Variants in CCSER1 observed in about 807,000 individuals in gnomAD.
CCSER1 encodes coiled-coil serine rich protein 1.
CCSER1 carries 41 observed loss-of-function variants against 82.0 expected under a neutral mutation model. The observed-to-expected ratio is 0.50, with a 90% CI of 0.39 to 0.65. The LOEUF (loss-of-function observed/expected upper bound fraction) is 0.65. Ranked by LOEUF, CCSER1 falls within the 30% of genes least tolerant of loss-of-function variation. The probability of loss-of-function intolerance (pLI) is 0.00; values close to 1 mark genes in which losing one functional copy is unlikely to be tolerated. For missense variants in CCSER1, 1,119 were observed against 1,064.2 expected (o/e 1.05, Z -0.72); for synonymous variants, 414 against 383.9 (o/e 1.08, Z -0.92).
chr4:90,611,001 C>T (rs1054028993), intron 5 of CCSER1, among the ~76,000 whole-genome samples: 3 of 151,168 alleles, frequency 2.0e-5, no homozygotes, highest in Admixed American at 6.6e-5. Flanking sequence ...CCTCAGCCTC[C>T]TGAGTAGCTG....
chr4:90,649,493 A>C (rs1728320998), intron 6 of CCSER1: 1 of 152,086 alleles, frequency 6.6e-6, no homozygotes, highest in African/African-American at 2.4e-5. Flanking sequence ...AGAGGAAGAG[A>C]CACCAAAGTT....
intron 3 of CCSER1, among the ~76,000 whole-genome samples, chr4:90,387,568 G>A (rs1381512473): frequency 6.6e-6 from 1 of 152,178 alleles, no homozygotes; most frequent in Non-Finnish European, 1.5e-5. Flanking sequence ...ATGTGATTTA[G>A]GATGGTGGCT....
intron 10 of CCSER1, among the ~76,000 whole-genome samples, chr4:91,315,152 TGTGTGTG>T (rs1235903775): frequency 3.9e-3 from 1 of 254 alleles, no homozygotes; most frequent in East Asian, 0.25. Context: ...TGTGTGCAAG[TGTGTGTG>T]TGTGTGTGTG....
intron 7 of CCSER1, among the ~76,000 whole-genome samples, chr4:90,773,221 C>G (rs995854546): frequency 9.9e-5 from 15 of 152,184 alleles, no homozygotes; most frequent in African/African-American, 3.4e-4. Context: ...GCCTGGGAAA[C>G]AAGAGCGAAA....
At chr4:90,682,979 A>C (rs190722037) in intron 6 of CCSER1, 12 of 152,276 alleles carry the variant, frequency 7.9e-5, no homozygotes, top group Admixed American at 3.3e-4. Context: ...ATGGGTGAAA[A>C]ACATGATTGA....
chr4:91,426,738 A>G (rs189837088), intron 10 of CCSER1, among the ~76,000 whole-genome samples: 4 of 152,268 alleles, frequency 2.6e-5, no homozygotes, highest in Admixed American at 2.0e-4. Context: ...GCATATTTGT[A>G]TGTAAATTTT....
intron 5 of CCSER1, among the ~76,000 whole-genome samples, chr4:90,536,853 C>A (rs1775444108): frequency 6.6e-6 from 1 of 152,116 alleles, no homozygotes; most frequent in African/African-American, 2.4e-5. Context: ...GAGGTATATT[C>A]TTTTAGGAAG....
At chr4:91,202,122 C>G (rs1000341231) in intron 10 of CCSER1, among the ~76,000 whole-genome samples, 1 of 149,866 alleles carries the variant, frequency 6.7e-6, no homozygotes, top group Non-Finnish European at 1.5e-5. Flanking sequence ...TAGGTGCCTA[C>G]TTACATTAAT....
intron 10 of CCSER1, among the ~76,000 whole-genome samples, chr4:91,332,265 A>G (rs993076915): frequency 1.3e-5 from 2 of 151,950 alleles, no homozygotes; most frequent in Non-Finnish European, 2.9e-5. Flanking sequence ...TAATCAAAAT[A>G]TAATTTTCTT....
chr4:91,150,275 CTGTT>C (rs746426125), intron 10 of CCSER1, among the ~76,000 whole-genome samples: 5 of 152,288 alleles, frequency 3.3e-5, no homozygotes, highest in South Asian at 4.2e-4. Context: ...ATTTGGCTCT[CTGTT>C]TGTCTGTTGT....
intron 1 of CCSER1, among the ~76,000 whole-genome samples, chr4:90,185,667 T>G (rs189171253): frequency 5.9e-5 from 9 of 152,156 alleles, no homozygotes; most frequent in Non-Finnish European, 1.5e-5. Context: ...ATGTCCCCAG[T>G]CCTCAAGCAA....
intron 7 of CCSER1, among the ~76,000 whole-genome samples, chr4:90,732,304 G>C (rs562604927): frequency 1.3e-5 from 2 of 152,098 alleles, no homozygotes; most frequent in South Asian, 4.2e-4. Flanking sequence ...AGAGTGTGTC[G>C]ACAGTCCCTA....
intron 5 of CCSER1, among the ~76,000 whole-genome samples, chr4:90,498,976 C>G (rs1385995357): frequency 6.6e-6 from 1 of 152,052 alleles, no homozygotes; most frequent in Non-Finnish European, 1.5e-5. Context: ...TTTAAAAAAT[C>G]TCTCTGCAAT....
chr4:90,913,921 A>T (rs1276000534), intron 8 of CCSER1, among the ~76,000 whole-genome samples: 1 of 152,234 alleles, frequency 6.6e-6, no homozygotes, highest in Non-Finnish European at 1.5e-5. Flanking sequence ...TGGTAAAGGG[A>T]TCAATTCAAC....
intron 10 of CCSER1, among the ~76,000 whole-genome samples, chr4:91,114,598 T>A (rs1726387605): frequency 6.6e-6 from 1 of 152,194 alleles, no homozygotes; most frequent in Admixed American, 6.5e-5. Flanking sequence ...CCTGAATGCG[T>A]GCATTTGAAT....
At chr4:90,811,929 A>T (rs1758363919) in intron 7 of CCSER1, among the ~76,000 whole-genome samples, 1 of 149,340 alleles carries the variant, frequency 6.7e-6, no homozygotes. Context: ...ACACACACAC[A>T]CACACATATA....
rs562607175 is a variant in CCSER1, at chr4:91,011,250, G to A, written c.2173-74700G>A. Among the ~76,000 whole-genome samples, 16 of 134,308 alleles carry A rather than the reference G, an allele frequency of 1.2e-4. 1 individual carries two copies. Among genetic ancestry groups the A allele is most frequent in the African/African-American group, 3.7e-4 (15 of 40,400 alleles). The allele number at this position is 134,308 out of a possible 152,430, so 88.1% of individuals were successfully genotyped here. ...GTAGCAGTTTGTGGTGGCAGTGGTA[G>A]CATAGGTTATTAAGTTCCTTCGTGG... On this transcript the variant is annotated intron_variant, in intron 9 of 10. Transcript: ENST00000509176.
chr4:90,295,378 T>A (rs949847512), intron 1 of CCSER1, among the ~76,000 whole-genome samples: 1 of 152,072 alleles, frequency 6.6e-6, no homozygotes, highest in Non-Finnish European at 1.5e-5. Context: ...AATATTGTAT[T>A]TATTTCTGGT....
intron 10 of CCSER1, among the ~76,000 whole-genome samples, chr4:91,402,528 G>T (rs1442127310): frequency 1.3e-5 from 2 of 152,086 alleles, no homozygotes; most frequent in South Asian, 2.1e-4. Context: ...ATGGTTTTAG[G>T]TCTAACATTT....
Sources: allele counts gnomAD v4.1 joint callset (sites outside exome capture counted in the v4.1 genomes callset), GRCh38; gene constraint gnomAD v4.1.1; transcripts MANE v1.5; gene names NCBI Gene and HGNC (gene_info 2026-07-23, HGNC 2026-07-21).